The following RFX4 variants were observed in gnomAD, a reference collection of about 807,000 sequenced individuals.
The protein encoded by RFX4 is transcription factor RFX4.
RFX4 carries 10 observed loss-of-function variants against 95.0 expected under a neutral mutation model. The ratio of observed to expected loss-of-function variants is 0.11; its 90% CI spans 0.06 to 0.18. The LOEUF is 0.18. RFX4 is among the 10% of genes least tolerant of loss of function. RFX4 has a pLI of 1.00. For missense variants in RFX4, 640 were observed against 922.0 expected, an observed-to-expected ratio of 0.69 and a Z score of 3.96; for synonymous variants, 321 against 340.7, an observed-to-expected ratio of 0.94 and a Z score of 0.64.
chr12:106,668,108 G>A lies in RFX4; in HGVS notation c.315+13757G>A, dbSNP rs529771585. On this transcript the variant is annotated intron_variant, in intron 4 of 17. Coordinates refer to ENST00000392842, the MANE Select transcript of RFX4 (RefSeq NM_213594.3). ...TCACATAAACTAAGTCTAGAGGAAG[G>A]TAACCCAGCTGCAGTTGGGCAGCTC... Among the ~76,000 whole-genome samples, 7 of 152,146 alleles carry A rather than the reference G, an allele frequency of 4.6e-5. No individual in the cohort carries two copies. In the South Asian group the frequency reaches 1.5e-3, roughly 32 times the overall value.
intron 11 of RFX4, among the ~76,000 whole-genome samples, chr12:106,715,825 G>A (rs565278453): frequency 2.6e-5 from 4 of 152,240 alleles, no homozygotes; most frequent in African/African-American, 7.2e-5. Context: ...TGCCAGCCCC[G>A]GTTCCATGGA....
rs537049748 is a variant in RFX4 at position 106,667,412 on chromosome 12, C to A, written c.315+13061C>A. Reference sequence around the variant, plus strand: ...GCTCCAGCGTATTTCAAAATGGTTCCTTTACTCCTTCCCCTGCCGGAAGCG... The same window carrying A: ...GCTCCAGCGTATTTCAAAATGGTTCATTTACTCCTTCCCCTGCCGGAAGCG... On this transcript the variant is annotated intron_variant, in intron 4 of 17. Transcript: ENST00000392842. 2.0e-5 allele frequency among the ~76,000 whole-genome samples: 3 copies of A among 152,258 alleles called. No individual in the cohort carries two copies. In the South Asian group the frequency reaches 6.2e-4, roughly 32 times the overall value.
At chr12:106,683,712 G>T (rs1565977864) in intron 5 of RFX4, 1 of 152,096 alleles carries the variant, frequency 6.6e-6, no homozygotes. Context: ...GGTCTTTGAG[G>T]AATCAGTGGC....
chr12:106,720,779 G>A lies in RFX4; in HGVS notation c.1254G>A (p.Gly418=). 1 of 1,613,986 alleles carries A rather than the reference G, an allele frequency of 6.2e-7. No individual in the cohort carries two copies. The highest frequency in any genetic ancestry group is 8.5e-7 in the Non-Finnish European group (1 of 1,180,022). Residue 418 remains glycine (G), a synonymous_variant, in exon 13 of 18, where the codon GGG becomes GGA. Coordinates refer to ENST00000392842, the MANE Select transcript of RFX4 (RefSeq NM_213594.3). This position sits in a 1 kb window ranked among gnomAD's most constrained non-coding sequence, Gnocchi z 4.2. ...TGTAGGTGGCTGCCAAGAGACAAGG[G>A]TCCTTGAAGAAAGTGGCCCAGCAGT... is the stretch of plus-strand genomic sequence containing the variant. ...CVVKVAAKRQ[G]SLKKVAQQFL...
chr12:106,600,820 A>G (rs935579243), intron 1 of RFX4, among the ~76,000 whole-genome samples: 2 of 150,574 alleles, frequency 1.3e-5, no homozygotes, highest in Admixed American at 1.3e-4. Context: ...CTCCAACATC[A>G]CCTCCTCAGA....
chr12:106,747,394 T>C (rs776390366), intron 15 of RFX4, 43 bp from the exon 16 acceptor site: 2 of 1,598,716 alleles, frequency 1.3e-6, no homozygotes, highest in Non-Finnish European at 1.7e-6. Context: ...ACAAGGGATA[T>C]GAGAACTGTT....
chr12:106,652,717 G>T (rs2040877920), intron 3 of RFX4, among the ~76,000 whole-genome samples: 1 of 152,144 alleles, frequency 6.6e-6, no homozygotes, highest in South Asian at 2.1e-4. Flanking sequence ...GTGGGGTTTG[G>T]GTATGAAATG....
intron 6 of RFX4, 61 bp from the exon 7 acceptor site, chr12:106,689,226 G>A (rs2041729985): frequency 1.5e-6 from 2 of 1,364,332 alleles, no homozygotes; most frequent in Admixed American, 1.7e-5. Flanking sequence ...GAAAGTCCAA[G>A]GGCAGCAGCA....
intron 2 of RFX4, among the ~76,000 whole-genome samples, chr12:106,620,924 C>A (rs764160770): frequency 6.6e-6 from 1 of 152,110 alleles, no homozygotes; most frequent in African/African-American, 2.4e-5. Flanking sequence ...CCTACTTGCA[C>A]GTCCATTTAT....
chr12:106,703,424 C>T (rs1303224733), intron 8 of RFX4, among the ~76,000 whole-genome samples: 1 of 152,046 alleles, frequency 6.6e-6, no homozygotes, highest in Non-Finnish European at 1.5e-5. Context: ...ACATTAAGAC[C>T]GAATTTCAAT....
intron 1 of RFX4, among the ~76,000 whole-genome samples, chr12:106,603,013 G>A (rs2039743712): frequency 1.3e-5 from 2 of 152,246 alleles, no homozygotes; most frequent in Non-Finnish European, 2.9e-5. Context: ...GAGATATCCT[G>A]TGTAATATAT....
intron 2 of RFX4, among the ~76,000 whole-genome samples, chr12:106,632,862 A>G (rs1240888098): frequency 1.3e-5 from 2 of 151,890 alleles, no homozygotes; most frequent in Non-Finnish European, 2.9e-5. Flanking sequence ...GGTGCACGCC[A>G]CCGTATCTGG....
chr12:106,715,647 G>GC, intron 11 of RFX4, 103 bp downstream of exon 11: 1 of 1,311,536 alleles, frequency 7.6e-7, no homozygotes, highest in Non-Finnish European at 1.1e-6. Flanking sequence ...GTTCTTCCCA[G>GC]CATCTCTTCC....
At chr12:106,752,377 T>C (rs891994759) in intron 17 of RFX4, among the ~76,000 whole-genome samples, 1 of 152,198 alleles carries the variant, frequency 6.6e-6, no homozygotes, top group African/African-American at 2.4e-5. Flanking sequence ...TGGCCTCCAA[T>C]GGCTGGCCCA....
At chr12:106,598,284 G>A (rs1406282232) in intron 1 of RFX4, among the ~76,000 whole-genome samples, 2 of 151,964 alleles carry the variant, frequency 1.3e-5, no homozygotes, top group Admixed American at 1.3e-4. Flanking sequence ...TATGGAAAAT[G>A]GAAACACTTG....
At chr12:106,666,925 A>C (rs988980315) in intron 4 of RFX4, among the ~76,000 whole-genome samples, 1 of 151,848 alleles carries the variant, frequency 6.6e-6, no homozygotes, top group Non-Finnish European at 1.5e-5. Context: ...CTGTTTCTTT[A>C]AATTGTGTTT....
At chr12:106,742,054 G>A (rs928987405) in intron 15 of RFX4, among the ~76,000 whole-genome samples, 4 of 152,140 alleles carry the variant, frequency 2.6e-5, no homozygotes, top group African/African-American at 7.2e-5. Flanking sequence ...TGGGGTTGGG[G>A]ACCCCTGGGT....
At chr12:106,747,017 G>A (rs112388655) in intron 15 of RFX4, among the ~76,000 whole-genome samples, 1,616 of 152,318 alleles carry the variant, frequency 0.011, 18 homozygotes, top group African/African-American at 0.037. Flanking sequence ...TGTCTAGTGA[G>A]GGGGCCATTA....
At chr12:106,745,097 G>A (rs887672217) in intron 15 of RFX4, among the ~76,000 whole-genome samples, 6 of 151,982 alleles carry the variant, frequency 3.9e-5, no homozygotes, top group Non-Finnish European at 5.9e-5. Flanking sequence ...GAATTTGGGC[G>A]GCATGTTTCA....
Sources: gnomAD v4.1 joint callset for allele counts (sites outside exome capture counted in the v4.1 genomes callset) on GRCh38, gnomAD v4.1.1 for gene constraint, Gnocchi (gnomAD v3.1) non-coding constraint, MANE v1.5 for transcripts, NCBI Gene and HGNC (gene_info 2026-07-23, HGNC 2026-07-21) for gene names.